Variants in MAP1B observed in about 807,000 individuals in gnomAD.
MAP1B encodes the protein microtubule associated protein 1B, also known as microtubule-associated protein 1B.
A neutral mutation model predicts 176.1 loss-of-function variants in MAP1B; 12 were observed. That is an observed-to-expected ratio of 0.07 (90% CI 0.04 to 0.11). MAP1B has a LOEUF of 0.11. Ranked by LOEUF, MAP1B falls within the 10% of genes least tolerant of loss-of-function variation. The pLI is 1.00. For synonymous variants in MAP1B, 1,044 were observed against 1,135.0 expected (o/e 0.92, Z 1.61); for missense variants, 2,523 against 2,990.5 (o/e 0.84, Z 3.65).
At chr5:72,156,882 C>G (rs1321403209) in intron 2 of MAP1B, among the ~76,000 whole-genome samples, 1 of 152,234 alleles carries the variant, frequency 6.6e-6, no homozygotes, top group African/African-American at 2.4e-5. Context: ...TCCAAACTCA[C>G]TCCCCATTCC....
chr5:72,147,443 T>C (rs182586768), intron 2 of MAP1B, among the ~76,000 whole-genome samples: 2 of 151,638 alleles, frequency 1.3e-5, no homozygotes, highest in East Asian at 3.9e-4. Flanking sequence ...TATGCGTCAC[T>C]GGATGAATCC....
chr5:72,162,683 C>T (rs1283583565), intron 2 of MAP1B, among the ~76,000 whole-genome samples: 1 of 152,212 alleles, frequency 6.6e-6, no homozygotes, highest in Admixed American at 6.5e-5. Flanking sequence ...TGCTTACACA[C>T]ATTGTGCGGG....
At chr5:72,186,000 G>C (rs1238389340) in intron 3 of MAP1B, among the ~76,000 whole-genome samples, 1 of 152,214 alleles carries the variant, frequency 6.6e-6, no homozygotes, top group East Asian at 1.9e-4. Context: ...TTATCTCAAA[G>C]ATTGCTATTT....
chr5:72,112,737 G>T (rs1214329370), intron 1 of MAP1B, among the ~76,000 whole-genome samples: 5 of 152,198 alleles, frequency 3.3e-5, no homozygotes, highest in African/African-American at 1.2e-4. Context: ...AAAGAATGGG[G>T]TTCACTGCCT....
chr5:72,125,781 G>A (rs1745617015), intron 2 of MAP1B, among the ~76,000 whole-genome samples: 1 of 152,148 alleles, frequency 6.6e-6, no homozygotes, highest in South Asian at 2.1e-4. Context: ...TGTGACCAGG[G>A]AATTTTGAAT....
chr5:72,154,053 C>A (rs897169324), intron 2 of MAP1B, among the ~76,000 whole-genome samples: 1 of 152,108 alleles, frequency 6.6e-6, no homozygotes, highest in African/African-American at 2.4e-5. Context: ...AAAAGTAAAA[C>A]CAAAACAAAA....
chr5:72,189,052 T>C (rs1183483419), intron 4 of MAP1B, among the ~76,000 whole-genome samples: 1 of 152,190 alleles, frequency 6.6e-6, no homozygotes, highest in African/African-American at 2.4e-5. Context: ...CTCTTTTCCT[T>C]TTATCCAGTC....
intron 2 of MAP1B, among the ~76,000 whole-genome samples, chr5:72,124,905 G>C (rs1382743284): frequency 6.6e-6 from 1 of 152,178 alleles, no homozygotes; most frequent in Non-Finnish European, 1.5e-5. Flanking sequence ...TTTGGATCCT[G>C]AAGTGTATCC....
chr5:72,134,830 A>ATTTT (rs1452500873), intron 2 of MAP1B, among the ~76,000 whole-genome samples: 1 of 151,112 alleles, frequency 6.6e-6, no homozygotes. Flanking sequence ...TGAGTAGAAA[A>ATTTT]GGAAGGCAGG....
intron 2 of MAP1B, among the ~76,000 whole-genome samples, chr5:72,148,720 A>G (rs1746090158): frequency 6.6e-6 from 1 of 152,268 alleles, no homozygotes; most frequent in Non-Finnish European, 1.5e-5. Flanking sequence ...TGTTTGCAGT[A>G]ATGCAGGAGA....
chr5:72,156,876 A>G (rs1254045110), intron 2 of MAP1B, among the ~76,000 whole-genome samples: 1 of 152,184 alleles, frequency 6.6e-6, no homozygotes, highest in African/African-American at 2.4e-5. Flanking sequence ...AGCCAGTCCA[A>G]ACTCACTCCC....
At position 72,199,201 on chromosome 5, in the gene MAP1B, C is replaced by A; in HGVS notation, c.5846C>A (p.Thr1949Asn). Residue 1949 changes from threonine (T) to asparagine (N), a missense_variant, in exon 5 of 7, where the codon ACC (threonine) becomes AAC (asparagine). Physicochemically the swap from Thr to Asn is moderately conservative, Grantham distance 65. Transcript: ENST00000296755. This position sits in a 1 kb window ranked among gnomAD's most constrained non-coding sequence, Gnocchi z 4.2. ...GAAATTATTGAGAAGACCACACGGA[C>A]CCCTGAAGAGGGTGGGTACTCATAT... ...SYEIIEKTTRTPEEGGYSYDI... is the reference protein window; with the variant it reads ...SYEIIEKTTRNPEEGGYSYDI... 1 of 1,614,066 alleles carries A rather than the reference C, an allele frequency of 6.2e-7. No individual in the cohort carries two copies. The highest frequency in any genetic ancestry group is 8.5e-7 in the Non-Finnish European group (1 of 1,179,972).
intron 2 of MAP1B, among the ~76,000 whole-genome samples, chr5:72,156,857 C>T (rs1448657139): frequency 6.6e-6 from 1 of 152,220 alleles, no homozygotes; most frequent in African/African-American, 2.4e-5. Context: ...GAAAAGAGCT[C>T]TCAAGAGTAG....
chr5:72,188,574 T>C, intron 4 of MAP1B, among the ~76,000 whole-genome samples: 1 of 152,252 alleles, frequency 6.6e-6, no homozygotes, highest in East Asian at 1.9e-4. Flanking sequence ...TAACACGATT[T>C]GGCATATTTG....
intron 2 of MAP1B, among the ~76,000 whole-genome samples, chr5:72,165,322 T>C (rs1387850901): frequency 6.6e-6 from 1 of 152,228 alleles, no homozygotes; most frequent in Non-Finnish European, 1.5e-5. Flanking sequence ...GGACCTGGCA[T>C]ATAGGAAGTT....
At chr5:72,118,114 A>G (rs926635695) in intron 2 of MAP1B, among the ~76,000 whole-genome samples, 1 of 152,212 alleles carries the variant, frequency 6.6e-6, no homozygotes, top group Non-Finnish European at 1.5e-5. Context: ...GTCTCTAGCT[A>G]ACTCATGTAC....
intron 2 of MAP1B, among the ~76,000 whole-genome samples, chr5:72,148,554 A>G (rs1746086641): frequency 6.6e-6 from 1 of 151,184 alleles, no homozygotes; most frequent in Non-Finnish European, 1.5e-5. Flanking sequence ...AGGGTCTTCC[A>G]GGGTAGGACC....
chr5:72,192,227 T>C (rs1373440602), intron 4 of MAP1B, among the ~76,000 whole-genome samples: 1 of 152,240 alleles, frequency 6.6e-6, no homozygotes, highest in Non-Finnish European at 1.5e-5. Flanking sequence ...GAGTCTCTGC[T>C]AACTATTGTA....
At chr5:72,147,573 C>T (rs1006405856) in intron 2 of MAP1B, among the ~76,000 whole-genome samples, 1 of 152,158 alleles carries the variant, frequency 6.6e-6, no homozygotes, top group Non-Finnish European at 1.5e-5. Context: ...GATGCTTGGT[C>T]CCTGGAAGCC....
Sources: allele counts gnomAD v4.1 joint callset (sites outside exome capture counted in the v4.1 genomes callset), GRCh38; gene constraint gnomAD v4.1.1; non-coding constraint Gnocchi (gnomAD v3.1); transcripts MANE v1.5; gene names NCBI Gene and HGNC (gene_info 2026-07-23, HGNC 2026-07-21).